SH3GL2: variants seen among roughly 807,000 people sequenced by gnomAD.
The protein encoded by SH3GL2 is SH3 domain containing GRB2 like 2, endophilin A1.
SH3GL2 carries 24 observed loss-of-function variants against 46.0 expected under a neutral mutation model. That is an observed-to-expected ratio of 0.52 (90% CI 0.38 to 0.73). The LOEUF (loss-of-function observed/expected upper bound fraction) is 0.73. SH3GL2 is among the 30% of genes least tolerant of loss of function. The pLI is 0.00. For missense variants in SH3GL2, 413 were observed against 424.2 expected, an observed-to-expected ratio of 0.97 and a Z score of 0.23; for synonymous variants, 196 against 147.1, an observed-to-expected ratio of 1.33 and a Z score of -2.40.
chr9:17,665,047 G>C (rs1041458636), intron 1 of SH3GL2, among the ~76,000 whole-genome samples: 6 of 152,024 alleles, frequency 3.9e-5, no homozygotes. Context: ...TCTTTACCTT[G>C]ATTCACCAGT....
intron 1 of SH3GL2, among the ~76,000 whole-genome samples, chr9:17,736,837 C>T (rs1006444164): frequency 1.3e-5 from 2 of 151,926 alleles, no homozygotes; most frequent in South Asian, 2.1e-4. Context: ...CCTGTGGTTC[C>T]AAATGATATT....
In SH3GL2 at chr9:17,761,691, A is replaced by C. The variant is rs1823180591; in HGVS notation, c.187+182A>C. ...TGGGGAGAAGGGCTTTTTAAAGCTC[A>C]CATTGAAGTAACTGGAAGATCTGTG... On this transcript the variant is annotated intron_variant, in intron 3 of 8. Transcript: ENST00000380607. 4 of 656,304 alleles carry C rather than the reference A, an allele frequency of 6.1e-6. No homozygotes were observed. The Admixed American group carries it at 1.0e-4, about 16-fold the overall frequency. The allele number at this position is 656,304 out of a possible 1,614,324, so 40.7% of individuals were successfully genotyped here.
intron 1 of SH3GL2, among the ~76,000 whole-genome samples, chr9:17,612,569 A>G (rs182356581): frequency 6.6e-6 from 1 of 152,284 alleles, no homozygotes; most frequent in Admixed American, 6.5e-5. Flanking sequence ...GAAGGGGTGC[A>G]TGTGTGTATG....
At chr9:17,747,774 A>G (rs1337487355) in intron 2 of SH3GL2, among the ~76,000 whole-genome samples, 2 of 152,112 alleles carry the variant, frequency 1.3e-5, no homozygotes, top group Non-Finnish European at 2.9e-5. Context: ...TCCTGGGTTC[A>G]AGCGATCTCC....
intron 1 of SH3GL2, among the ~76,000 whole-genome samples, chr9:17,661,157 G>A (rs1431484940): frequency 1.3e-5 from 2 of 151,926 alleles, no homozygotes; most frequent in African/African-American, 2.4e-5. Flanking sequence ...GTAAGACTCC[G>A]TCTCAAAAAA....
intron 1 of SH3GL2, among the ~76,000 whole-genome samples, chr9:17,658,803 T>C (rs928151535): frequency 2.6e-5 from 4 of 152,118 alleles, no homozygotes; most frequent in African/African-American, 9.7e-5. Context: ...GTGCACTGAC[T>C]CCCCCAAGAT....
chr9:17,710,627 A>G (rs2118266388), intron 1 of SH3GL2, among the ~76,000 whole-genome samples: 1 of 152,174 alleles, frequency 6.6e-6, no homozygotes, highest in Non-Finnish European at 1.5e-5. Flanking sequence ...ATTATTCATG[A>G]TAGTCAAAAG....
At chr9:17,766,181 G>A (rs1461633093) in intron 3 of SH3GL2, among the ~76,000 whole-genome samples, 2 of 152,140 alleles carry the variant, frequency 1.3e-5, no homozygotes, top group African/African-American at 4.8e-5. Flanking sequence ...AATTCCTCCT[G>A]GAAAATCCAG....
chr9:17,765,953 A>G (rs2131157637), intron 3 of SH3GL2, among the ~76,000 whole-genome samples: 1 of 152,356 alleles, frequency 6.6e-6, no homozygotes, highest in South Asian at 2.1e-4. Context: ...CTTCTCTAAT[A>G]CAAAAAGTAG....
At chr9:17,719,786 C>G (rs1258628786) in intron 1 of SH3GL2, among the ~76,000 whole-genome samples, 4 of 146,202 alleles carry the variant, frequency 2.7e-5, no homozygotes, top group African/African-American at 5.1e-5. Context: ...AAGTGAGACC[C>G]TGTCTTGAAA....
At chr9:17,635,697 G>A (rs1255220527) in intron 1 of SH3GL2, among the ~76,000 whole-genome samples, 2 of 152,172 alleles carry the variant, frequency 1.3e-5, no homozygotes, top group Non-Finnish European at 2.9e-5. Flanking sequence ...ACACAACAGA[G>A]GAAATCTGGC....
intron 1 of SH3GL2, among the ~76,000 whole-genome samples, chr9:17,734,230 C>A (rs911139648): frequency 3.9e-5 from 6 of 152,052 alleles, no homozygotes; most frequent in Admixed American, 1.3e-4. Context: ...TGGAAAGTAT[C>A]TTTGTTTCCT....
At chr9:17,717,210 G>T (rs1033365024) in intron 1 of SH3GL2, among the ~76,000 whole-genome samples, 1 of 152,110 alleles carries the variant, frequency 6.6e-6, no homozygotes, top group East Asian at 1.9e-4. Context: ...ATCCAGTGCC[G>T]CATAAATCGC....
chr9:17,793,518 T>A (rs750894402), intron 8 of SH3GL2, 21 bp downstream of exon 8: 1 of 1,611,602 alleles, frequency 6.2e-7, no homozygotes, highest in South Asian at 1.1e-5. Context: ...AAACTGCAGA[T>A]CCTATTGCAT....
chr9:17,726,120 AG>A (rs1374464245), intron 1 of SH3GL2, among the ~76,000 whole-genome samples: 2 of 152,098 alleles, frequency 1.3e-5, no homozygotes, highest in East Asian at 3.9e-4. Context: ...ATGTTTCTTT[AG>A]TTTGTTTTAA....
At chr9:17,724,296 T>C (rs1442050085) in intron 1 of SH3GL2, among the ~76,000 whole-genome samples, 1 of 152,184 alleles carries the variant, frequency 6.6e-6, no homozygotes, top group Non-Finnish European at 1.5e-5. Flanking sequence ...CATGCAAATT[T>C]TTATACTCTT....
intron 1 of SH3GL2, among the ~76,000 whole-genome samples, chr9:17,707,744 C>A (rs1435266964): frequency 6.6e-6 from 1 of 152,032 alleles, no homozygotes; most frequent in African/African-American, 2.4e-5. Context: ...AGCTATTAGA[C>A]CTTACACCTA....
intron 1 of SH3GL2, among the ~76,000 whole-genome samples, chr9:17,646,886 A>T (rs892552606): frequency 6.6e-6 from 1 of 152,210 alleles, no homozygotes; most frequent in Non-Finnish European, 1.5e-5. Context: ...TCTGTCCGTT[A>T]TCAGAGGTCG....
chr9:17,676,722 A>C (rs995133341), intron 1 of SH3GL2, among the ~76,000 whole-genome samples: 1 of 152,176 alleles, frequency 6.6e-6, no homozygotes, highest in Admixed American at 6.5e-5. Context: ...TAGTTTTCAC[A>C]ACTCAGTTTT....
Sources: gnomAD v4.1 joint callset for allele counts (sites outside exome capture counted in the v4.1 genomes callset) on GRCh38, gnomAD v4.1.1 for gene constraint, MANE v1.5 for transcripts, NCBI Gene and HGNC (gene_info 2026-07-23, HGNC 2026-07-21) for gene names.